ETFRF1: variants seen among roughly 807,000 people sequenced by gnomAD.
ETFRF1 encodes electron transfer flavoprotein regulatory factor 1.
A neutral mutation model predicts 9.0 loss-of-function variants in ETFRF1; 12 were observed. The observed-to-expected ratio is 1.34, with a 90% confidence interval of 0.86 to 2.16. The LOEUF is 2.16. Among genes scored for constraint, ETFRF1 ranks in the 30% most tolerant of loss-of-function variants. ETFRF1 has a pLI of 0.00. For missense variants in ETFRF1, 98 were observed against 101.8 expected (o/e 0.96, Z 0.16); for synonymous variants, 34 against 33.2 (o/e 1.02, Z -0.08).
rs1361845985 is a variant in ETFRF1 at position 25,204,526 on chromosome 12, C to T, written c.*214C>T. 8.0e-6 allele frequency: 3 copies of T among 375,602 alleles called. No homozygotes were observed. The highest frequency in any genetic ancestry group is 1.4e-5 in the Non-Finnish European group (3 of 212,990). The allele number at this position is 375,602 out of a possible 1,614,324, so 23.3% of individuals were successfully genotyped here. On this transcript the variant is annotated 3_prime_UTR_variant, in exon 3 of 3. Transcript: ENST00000381356. ...ATACAAACATAGCAATTTAGCTATA[C>T]TACCGATCATAAATTAATGAGCACC...
At chr12:25,196,354 C>T (rs2141461662) in intron 1 of ETFRF1, among the ~76,000 whole-genome samples, 1 of 152,304 alleles carries the variant, frequency 6.6e-6, no homozygotes, top group South Asian at 2.1e-4. Flanking sequence ...AATGATAAAA[C>T]ACCTCAGTCA....
chr12:25,200,777 T>A (rs745671201), intron 1 of ETFRF1, among the ~76,000 whole-genome samples: 1 of 152,150 alleles, frequency 6.6e-6, no homozygotes, highest in Non-Finnish European at 1.5e-5. Context: ...TGGAACACTT[T>A]GGAATGTAGA....
chr12:25,199,756 G>A (rs1951060414), intron 1 of ETFRF1, among the ~76,000 whole-genome samples: 1 of 151,754 alleles, frequency 6.6e-6, no homozygotes, highest in Admixed American at 6.6e-5. Flanking sequence ...CCCATTCCCA[G>A]GCTACTCTAT....
In ETFRF1 at chr12:25,202,063, C is replaced by CAAA. The variant is rs149050811; in HGVS notation, c.-37-1839_-37-1837dup. On this transcript the variant is annotated intron_variant, in intron 1 of 2. Coordinates refer to ENST00000381356, the MANE Select transcript of ETFRF1 (RefSeq NM_001001660.3). ...GTGAAACCCCGTCTCTACTGAAATA[C>CAAA]AAAAAAAAAAAAAAAAAAAATTAGC... is the stretch of plus-strand genomic sequence containing the variant. 2.8e-3 allele frequency among the ~76,000 whole-genome samples: 150 copies of CAAA among 52,816 alleles called. 13 individuals carry two copies. Among genetic ancestry groups the CAAA allele is most frequent in the Non-Finnish European group, 4.3e-3 (115 of 26,898 alleles). The allele number at this position is 52,816 out of a possible 152,430, so 34.6% of individuals were successfully genotyped here.
intron 1 of ETFRF1, among the ~76,000 whole-genome samples, chr12:25,203,142 T>C (rs1951089596): frequency 6.6e-6 from 1 of 152,052 alleles, no homozygotes. Context: ...TGGAACAAAT[T>C]GCAGTTGCAT....
intron 1 of ETFRF1, among the ~76,000 whole-genome samples, chr12:25,199,665 A>G (rs1329254975): frequency 3.4e-5 from 5 of 145,754 alleles, no homozygotes; most frequent in African/African-American, 7.5e-5. Context: ...CCATCACCAC[A>G]ATCAAGACAA....
intron 1 of ETFRF1, among the ~76,000 whole-genome samples, chr12:25,199,279 C>A (rs549041772): frequency 4.7e-5 from 7 of 148,118 alleles, no homozygotes; most frequent in African/African-American, 1.5e-4. Flanking sequence ...CTATATATAT[C>A]TACTATATAC....
intron 1 of ETFRF1, among the ~76,000 whole-genome samples, chr12:25,203,161 T>C (rs1336326990): frequency 1.3e-5 from 2 of 151,652 alleles, no homozygotes; most frequent in African/African-American, 2.4e-5. Flanking sequence ...ATCCACCTGA[T>C]AGGATGCAAT....
chr12:25,199,585 T>C (rs990497420), intron 1 of ETFRF1, among the ~76,000 whole-genome samples: 1 of 149,536 alleles, frequency 6.7e-6, no homozygotes. Context: ...CTATACTAAT[T>C]ATATAGATTT....
In ETFRF1 at chr12:25,204,749, T is replaced by TAACA. The variant is rs1313955454; in HGVS notation, c.*438_*441dup. ...TATTTTTTCACCCAATTTGGTATAT[T>TAACA]AACAGCACATACTCAAGGTTCACTA... On this transcript the variant is annotated 3_prime_UTR_variant, in exon 3 of 3. Coordinates refer to ENST00000381356, the MANE Select transcript of ETFRF1 (RefSeq NM_001001660.3). 2.7e-5 allele frequency: 5 copies of TAACA among 184,890 alleles called. No individual in the cohort carries two copies. Among genetic ancestry groups the TAACA allele is most frequent in the African/African-American group, 7.0e-5 (3 of 42,658 alleles). The allele number at this position is 184,890 out of a possible 1,614,324, so 11.5% of individuals were successfully genotyped here.
chr12:25,200,182 C>T (rs766798984), intron 1 of ETFRF1, among the ~76,000 whole-genome samples: 2 of 151,164 alleles, frequency 1.3e-5, no homozygotes, highest in East Asian at 3.9e-4. Context: ...TGCTCTCCAG[C>T]GTGGGTGATA....
At chr12:25,199,824 A>G (rs75901469) in intron 1 of ETFRF1, among the ~76,000 whole-genome samples, 2,116 of 152,296 alleles carry the variant, frequency 0.014, 52 homozygotes, top group African/African-American at 0.049. Flanking sequence ...GCTGAGAGCA[A>G]TCTGAGTGGT....
intron 1 of ETFRF1, among the ~76,000 whole-genome samples, chr12:25,199,860 G>T (rs1951061202): frequency 6.6e-6 from 1 of 152,120 alleles, no homozygotes. Context: ...AGGAAGAGCA[G>T]AAATGAACAA....
rs890148427 is a variant in ETFRF1 at position 25,205,103 on chromosome 12, C to A, written c.*791C>A. 1 of 216,078 alleles carries A rather than the reference C, an allele frequency of 4.6e-6. No homozygotes were observed. The highest frequency in any genetic ancestry group is 2.3e-5 in the African/African-American group (1 of 44,380). 13.4% of individuals were successfully genotyped at this position (216,078 alleles called of 1,614,324 possible). A position where few individuals can be genotyped will look rare whatever the true frequency, so the allele number is the denominator to read the frequency against. On this transcript the variant is annotated 3_prime_UTR_variant, in exon 3 of 3. Transcript: ENST00000381356. ...CAAACACGCCTTTACATAATATCCACAGCACCTTTTAGAAATAAAGGATAC... is the reference window on the plus strand; with the variant it reads ...CAAACACGCCTTTACATAATATCCAAAGCACCTTTTAGAAATAAAGGATAC...
rs183643533 is a variant in ETFRF1, at chr12:25,200,812, T to C, written c.-37-3108T>C. ...AAAATGGGATAATCAACATAGAGGA[T>C]AGGCAAGAGGAATTTCTGGGAGCAT... On this transcript the variant is annotated intron_variant, in intron 1 of 2. Transcript: ENST00000381356. Among the ~76,000 whole-genome samples, 68 of 152,270 alleles carry C rather than the reference T, an allele frequency of 4.5e-4. 1 individual carries two copies. Among genetic ancestry groups the C allele is most frequent in the African/African-American group, 1.5e-3 (63 of 41,558 alleles).
intron 1 of ETFRF1, among the ~76,000 whole-genome samples, chr12:25,202,031 C>T (rs1033563310): frequency 4.1e-5 from 5 of 123,382 alleles, no homozygotes; most frequent in South Asian, 2.6e-4. Context: ...CCATCCCGGC[C>T]AACATGGTGA....
At chr12:25,199,617 CAT>C (rs1424044381) in intron 1 of ETFRF1, among the ~76,000 whole-genome samples, 4 of 135,704 alleles carry the variant, frequency 2.9e-5, no homozygotes, top group East Asian at 4.1e-4. Context: ...TATATGTATA[CAT>C]ACACACACAC....
chr12:25,198,367 G>A lies in ETFRF1; in HGVS notation c.-38+3030G>A, dbSNP rs189710995. 4.5e-4 allele frequency among the ~76,000 whole-genome samples: 69 copies of A among 152,190 alleles called. 1 individual carries two copies. Among genetic ancestry groups the A allele is most frequent in the African/African-American group, 1.5e-3 (64 of 41,522 alleles). ...AGCAATCCAAGATAGTGACATCAGA[G>A]GTTCCCCAGTAAAGGCCCACCCAGA... On this transcript the variant is annotated intron_variant, in intron 1 of 2. Transcript: ENST00000381356.
chr12:25,202,081 A>AAAAAAAAAAAAAAAAC (rs1951078716), intron 1 of ETFRF1, among the ~76,000 whole-genome samples: 1 of 145,406 alleles, frequency 6.9e-6, no homozygotes, highest in Non-Finnish European at 1.5e-5. Context: ...AAAAAAAAAA[A>AAAAAAAAAAAAAAAAC]AATTAGCCAG....
Sources: gnomAD v4.1 joint callset for allele counts (sites outside exome capture counted in the v4.1 genomes callset) on GRCh38, gnomAD v4.1.1 for gene constraint, MANE v1.5 for transcripts, NCBI Gene and HGNC (gene_info 2026-07-23, HGNC 2026-07-21) for gene names.